RARB: variants seen among roughly 807,000 people sequenced by gnomAD.
RARB encodes the protein HBV-activated protein.
A neutral mutation model predicts 51.9 loss-of-function variants in RARB; 17 were observed. The observed-to-expected ratio is 0.33, with a 90% confidence interval of 0.22 to 0.49. The LOEUF is 0.49. RARB is among the 20% of genes least tolerant of loss of function. RARB has a pLI of 0.99. For missense variants in RARB, 369 were observed against 550.8 expected (o/e 0.67, Z 3.30); for synonymous variants, 215 against 195.4 (o/e 1.10, Z -0.84).
At chr3:24,925,972 C>T (rs577483050) in intron 2 of RARB, among the ~76,000 whole-genome samples, 29 of 152,188 alleles carry the variant, frequency 1.9e-4, no homozygotes, top group Middle Eastern at 3.4e-3. Context: ...TCTCAAGGAA[C>T]GCACACACTC....
chr3:25,218,782 T>C (rs1701886449), intron 5 of RARB, among the ~76,000 whole-genome samples: 1 of 152,150 alleles, frequency 6.6e-6, no homozygotes, highest in Non-Finnish European at 1.5e-5. Context: ...TTTCAAAAAA[T>C]AGGAAATCGA....
At chr3:25,463,904 T>G (rs1391455789) in intron 2 of RARB, among the ~76,000 whole-genome samples, 2 of 152,144 alleles carry the variant, frequency 1.3e-5, no homozygotes, top group African/African-American at 4.8e-5. Context: ...GTCAGGAAAG[T>G]TATATGGGCA....
At chr3:24,878,002 G>C (rs1292810122) in intron 2 of RARB, among the ~76,000 whole-genome samples, 1 of 152,046 alleles carries the variant, frequency 6.6e-6, no homozygotes, top group African/African-American at 2.4e-5. Flanking sequence ...GTTTCCTATT[G>C]ACATAAAGGG....
chr3:25,177,891 A>G (rs1700787689), intron 5 of RARB, among the ~76,000 whole-genome samples: 1 of 152,176 alleles, frequency 6.6e-6, no homozygotes, highest in South Asian at 2.1e-4. Context: ...TTATATATCT[A>G]AATCTTTTAA....
intron 3 of RARB, among the ~76,000 whole-genome samples, chr3:25,098,560 G>T (rs951450937): frequency 6.6e-6 from 1 of 152,136 alleles, no homozygotes; most frequent in Admixed American, 6.5e-5. Context: ...ACCTAGATCA[G>T]GATTAACAAA....
chr3:25,255,857 C>T (rs767421293), intron 5 of RARB, among the ~76,000 whole-genome samples: 7 of 152,022 alleles, frequency 4.6e-5, no homozygotes, highest in Non-Finnish European at 8.8e-5. Flanking sequence ...TGTGAATGTA[C>T]TTGTTAATTA....
At chr3:24,869,368 A>G (rs1483345333) in intron 2 of RARB, among the ~76,000 whole-genome samples, 1 of 152,168 alleles carries the variant, frequency 6.6e-6, no homozygotes, top group African/African-American at 2.4e-5. Flanking sequence ...TGGTTTTCAC[A>G]TAAATGTAAA....
intron 1 of RARB, among the ~76,000 whole-genome samples, chr3:24,829,562 G>A (rs1342793784): frequency 1.3e-5 from 2 of 152,184 alleles, no homozygotes; most frequent in Non-Finnish European, 1.5e-5. Context: ...TACCGCGGCG[G>A]GGCCGGGGGC....
intron 2 of RARB, among the ~76,000 whole-genome samples, chr3:24,910,100 T>G (rs1377828674): frequency 6.6e-6 from 1 of 152,172 alleles, no homozygotes. Flanking sequence ...TCTATCCCCA[T>G]TTTTGGCAAA....
chr3:25,107,620 A>G (rs1025821383), intron 3 of RARB, among the ~76,000 whole-genome samples: 13 of 152,284 alleles, frequency 8.5e-5, no homozygotes, highest in Admixed American at 3.3e-4. Context: ...ACTGAACCCT[A>G]TAAATACTGT....
intron 5 of RARB, among the ~76,000 whole-genome samples, chr3:25,342,960 G>T (rs79016453): frequency 1.3e-5 from 2 of 151,608 alleles, no homozygotes; most frequent in Admixed American, 6.6e-5. Context: ...GGTTTAAGAG[G>T]GGGGAGGGGA....
chr3:24,866,953 G>T (rs1329431279), intron 2 of RARB, among the ~76,000 whole-genome samples: 2 of 152,068 alleles, frequency 1.3e-5, no homozygotes, highest in East Asian at 3.9e-4. Context: ...AATCACAGGG[G>T]TGTGGGAAAT....
intron 5 of RARB, among the ~76,000 whole-genome samples, chr3:25,217,253 G>T (rs1229866578): frequency 1.3e-5 from 2 of 152,120 alleles, no homozygotes; most frequent in Admixed American, 1.3e-4. Context: ...AATTTTACCA[G>T]TGTTCAAAAT....
At chr3:25,075,194 C>G (rs925080829) in intron 3 of RARB, among the ~76,000 whole-genome samples, 2 of 152,134 alleles carry the variant, frequency 1.3e-5, no homozygotes, top group African/African-American at 4.8e-5. Context: ...CGTAAAATTG[C>G]AATACAATTA....
At chr3:25,319,572 A>T (rs550462703) in intron 5 of RARB, among the ~76,000 whole-genome samples, 214 of 152,210 alleles carry the variant, frequency 1.4e-3, no homozygotes, top group African/African-American at 5.0e-3. Flanking sequence ...TACCATAAAA[A>T]CCCACGAATG....
intron 4 of RARB, among the ~76,000 whole-genome samples, chr3:25,580,204 C>G (rs550734232): frequency 1.3e-3 from 192 of 152,278 alleles, no homozygotes; most frequent in African/African-American, 4.4e-3. Context: ...GAAACCCTGG[C>G]TCTGCTAAAA....
At chr3:24,859,174 C>A (rs962960030) in intron 2 of RARB, among the ~76,000 whole-genome samples, 1 of 151,980 alleles carries the variant, frequency 6.6e-6, no homozygotes, top group Non-Finnish European at 1.5e-5. Flanking sequence ...CAACTCAAGG[C>A]AGCAGTTTCT....
intron 2 of RARB, among the ~76,000 whole-genome samples, chr3:24,939,065 C>T (rs765041518): frequency 7.2e-5 from 11 of 151,944 alleles, no homozygotes; most frequent in Admixed American, 6.6e-4. Context: ...TCACTGCAAC[C>T]TCCGCCTCCC....
At chr3:25,582,009 G>T (rs1487123858) in intron 5 of RARB, among the ~76,000 whole-genome samples, 2 of 151,900 alleles carry the variant, frequency 1.3e-5, no homozygotes, top group Admixed American at 1.3e-4. Flanking sequence ...GGGGTGGAGT[G>T]GGGTATACGG....
Sources: allele counts gnomAD v4.1 joint callset (sites outside exome capture counted in the v4.1 genomes callset), GRCh38; gene constraint gnomAD v4.1.1; transcripts MANE v1.5; gene names NCBI Gene and HGNC (gene_info 2026-07-23, HGNC 2026-07-21).